Variants in MLLT1 observed in about 807,000 individuals in gnomAD.
MLLT1 encodes the protein MLLT1 super elongation complex subunit.
A neutral mutation model predicts 55.1 loss-of-function variants in MLLT1; 11 were observed. The observed-to-expected ratio is 0.20, with a 90% CI of 0.13 to 0.33. The LOEUF (loss-of-function observed/expected upper bound fraction) is 0.33, where lower values mean the gene tolerates loss of function less well. Among genes scored for constraint, MLLT1 ranks in the 10% least tolerant of loss-of-function variants. MLLT1 has a pLI of 1.00. For synonymous variants in MLLT1, 323 were observed against 320.1 expected, an observed-to-expected ratio of 1.01 and a Z score of -0.10; for missense variants, 536 against 760.6, an observed-to-expected ratio of 0.70 and a Z score of 3.47.
intron 1 of MLLT1, among the ~76,000 whole-genome samples, chr19:6,275,691 A>C (rs755347389): frequency 3.9e-5 from 6 of 152,186 alleles, no homozygotes; most frequent in Non-Finnish European, 7.3e-5. Context: ...TTCTGGCTCC[A>C]TCTGTCCTCG....
Position 6,216,481 on chromosome 19 carries a change from A to T in MLLT1, c.1231T>A (p.Ser411Thr). 4 of 1,605,732 alleles carry T rather than the reference A, an allele frequency of 2.5e-6. No individual in the cohort carries two copies. The highest frequency in any genetic ancestry group is 2.5e-6 in the Non-Finnish European group (3 of 1,177,048). Residue 411 changes from serine to threonine, a missense_variant, in exon 8 of 12, where the codon TCC (serine) becomes ACC (threonine). By Grantham distance (58) the Ser-to-Thr change is moderately conservative. Around this residue, in one of 3 missense-constraint regions of MLLT1, gnomAD observed 449 missense variants for 489.0 expected, o/e 0.92. Coordinates refer to ENST00000252674, the MANE Select transcript of MLLT1 (RefSeq NM_005934.4). The stretch of plus-strand genomic sequence containing the variant: ...GAGTCGTCCTCGTCGGACTCCTCGG[A>T]CTGCAGGTCCTCCACCATGGAGCGC... The part of the protein sequence containing the change: ...PLRSMVEDLQ[S>T]EESDEDDSSS...
At chr19:6,218,700 G>A (rs2090868828) in intron 6 of MLLT1, among the ~76,000 whole-genome samples, 1 of 152,222 alleles carries the variant, frequency 6.6e-6, no homozygotes, top group South Asian at 2.1e-4. Flanking sequence ...CACAAGGGGT[G>A]GGATGCCAGG....
intron 3 of MLLT1, among the ~76,000 whole-genome samples, chr19:6,252,180 T>C (rs1348976481): frequency 6.6e-6 from 1 of 152,130 alleles, no homozygotes; most frequent in Non-Finnish European, 1.5e-5. Context: ...GGGCAATCTC[T>C]CCATCTGCCT....
At chr19:6,278,774 A>C (rs1173737428) in intron 1 of MLLT1, among the ~76,000 whole-genome samples, 1 of 152,112 alleles carries the variant, frequency 6.6e-6, no homozygotes, top group Non-Finnish European at 1.5e-5. Context: ...TCAGAGAAGA[A>C]ACTGCTCCTG....
rs111610353 is a variant in MLLT1 at position 6,229,206 on chromosome 19, AG to A, written c.420+1363del. Among the ~76,000 whole-genome samples, 1 of 152,148 alleles carries A rather than the reference AG, an allele frequency of 6.6e-6. No homozygotes were observed. The highest frequency in any genetic ancestry group is 2.4e-5 in the African/African-American group (1 of 41,426). On this transcript the variant is annotated intron_variant, in intron 4 of 11. Transcript: ENST00000252674. The surrounding 1 kb of genome is among the most constrained non-coding windows in gnomAD (Gnocchi z 5.2). ...AAGAAGGTGGAAAAGCGGAGCCAGG[AG>A]GGCGCTGGGACCCAGCCCTCACATC...
At position 6,210,889 on chromosome 19, in the gene MLLT1, G is replaced by A. The variant is rs1017174697; in HGVS notation, c.*2153C>T. The A allele has an allele frequency of 4.3e-6, 1 of 230,656 alleles. No individual in the cohort carries two copies. Among genetic ancestry groups the A allele is most frequent in the African/African-American group, 2.2e-5 (1 of 45,278 alleles). The allele number at this position is 230,656 out of a possible 1,614,324, so 14.3% of individuals were successfully genotyped here. On this transcript the variant is annotated 3_prime_UTR_variant, in exon 12 of 12. Transcript: ENST00000252674. This position sits in a 1 kb window ranked among gnomAD's most constrained non-coding sequence, Gnocchi z 4.6. ...GCCCTGGGCCCAGAGCAGCTCTGGA[G>A]GACAACGTGAGGCCTTCCGGCCAGA...
Position 6,235,523 on chromosome 19 carries a change from AG to A in MLLT1, c.277-4811del, listed in dbSNP as rs1322782820. 6.6e-6 allele frequency among the ~76,000 whole-genome samples: 1 copy of A among 152,190 alleles called. No homozygotes were observed. Among genetic ancestry groups the A allele is most frequent in the Non-Finnish European group, 1.5e-5 (1 of 68,000 alleles). On this transcript the variant is annotated intron_variant, in intron 3 of 11. Transcript: ENST00000252674. This position sits in a 1 kb window ranked among gnomAD's most constrained non-coding sequence, Gnocchi z 5.5. ...CGGTACCAAAGCACTGGGATGCCCCAGGGACGCTCCCTAGCTCTGCCCACTG... is the reference window on the plus strand; with the variant it reads ...CGGTACCAAAGCACTGGGATGCCCCAGGACGCTCCCTAGCTCTGCCCACTG...
intron 1 of MLLT1, among the ~76,000 whole-genome samples, chr19:6,275,501 A>G (rs555439646): frequency 1.3e-5 from 2 of 152,340 alleles, no homozygotes; most frequent in South Asian, 4.1e-4. Flanking sequence ...CGGGGCCCTC[A>G]GTGGTAACCA....
In MLLT1 at chr19:6,222,009, G is replaced by T; in HGVS notation, c.1110+112C>A. On this transcript the variant is annotated intron_variant, in intron 6 of 11. Coordinates refer to ENST00000252674, the MANE Select transcript of MLLT1 (RefSeq NM_005934.4). This position sits in a 1 kb window ranked among gnomAD's most constrained non-coding sequence, Gnocchi z 4.1. ...CAAGAAGCCAGTGGGAGGAGCAGCTGGTGAGACCTGAGGTCCTGGCTCAGA... is the reference window on the plus strand; with the variant it reads ...CAAGAAGCCAGTGGGAGGAGCAGCTTGTGAGACCTGAGGTCCTGGCTCAGA... 1 of 853,126 alleles carries T rather than the reference G, an allele frequency of 1.2e-6. No individual in the cohort carries two copies. Among genetic ancestry groups the T allele is most frequent in the Non-Finnish European group, 1.6e-6 (1 of 617,726 alleles). The allele number at this position is 853,126 out of a possible 1,614,324, so 52.8% of individuals were successfully genotyped here.
chr19:6,277,010 T>A (rs2091431584), intron 1 of MLLT1, among the ~76,000 whole-genome samples: 1 of 152,232 alleles, frequency 6.6e-6, no homozygotes, highest in Admixed American at 6.5e-5. Context: ...GGCGGAAAGC[T>A]GTGCTGTTTC....
At chr19:6,268,977 A>C (rs1568297784) in intron 2 of MLLT1, among the ~76,000 whole-genome samples, 1 of 152,246 alleles carries the variant, frequency 6.6e-6, no homozygotes, top group Non-Finnish European at 1.5e-5. Flanking sequence ...GTGGATGGAA[A>C]TCAGCGTCCG....
intron 1 of MLLT1, among the ~76,000 whole-genome samples, chr19:6,271,572 A>C (rs2091395426): frequency 6.6e-6 from 1 of 152,164 alleles, no homozygotes; most frequent in South Asian, 2.1e-4. Flanking sequence ...ACTGAACACA[A>C]AGTTGCATGC....
At chr19:6,257,520 G>C (rs1294238317) in intron 3 of MLLT1, among the ~76,000 whole-genome samples, 1 of 152,172 alleles carries the variant, frequency 6.6e-6, no homozygotes, top group Non-Finnish European at 1.5e-5. Flanking sequence ...TGGACAACGG[G>C]CTGGGCATGG....
chr19:6,234,903 C>CAAACA (rs1568282928), intron 3 of MLLT1, among the ~76,000 whole-genome samples: 1 of 132,006 alleles, frequency 7.6e-6, no homozygotes, highest in African/African-American at 2.7e-5. Context: ...AACAAACAAA[C>CAAACA]AAAAAAAAAA....
In MLLT1 at chr19:6,222,232, C is replaced by T. The variant is rs770514874; in HGVS notation, c.999G>A (p.Lys333=). 2.5e-6 allele frequency: 4 copies of T among 1,613,324 alleles called. No individual in the cohort carries two copies. Among genetic ancestry groups the T allele is most frequent in the Non-Finnish European group, 3.4e-6 (4 of 1,179,792 alleles). ...SFSDKKPAKD[K]SSTRGEKVKA... Reference sequence around the variant, plus strand: ...TCACCTTCTCCCCTCTGGTGCTGCTCTTGTCCTTGGCCGGCTTCTTGTCCG... The same window carrying T: ...TCACCTTCTCCCCTCTGGTGCTGCTTTTGTCCTTGGCCGGCTTCTTGTCCG... The change falls in exon 6 of 12, where the codon AAG becomes AAA. Residue 333 remains lysine, a synonymous_variant. Coordinates refer to ENST00000252674, the MANE Select transcript of MLLT1 (RefSeq NM_005934.4). The surrounding 1 kb of genome is among the most constrained non-coding windows in gnomAD (Gnocchi z 4.1).
In MLLT1 at chr19:6,210,419, T is replaced by G. The variant is rs1160534645; in HGVS notation, c.*2623A>C. On this transcript the variant is annotated 3_prime_UTR_variant, in exon 12 of 12. Transcript: ENST00000252674. The surrounding 1 kb of genome is among the most constrained non-coding windows in gnomAD (Gnocchi z 4.6). ...GACTTTATTTCACTTTTTTTTTCTATAAAACTCCTCCATAATTTCACAATT... is the reference window on the plus strand; with the variant it reads ...GACTTTATTTCACTTTTTTTTTCTAGAAAACTCCTCCATAATTTCACAATT... 1 of 186,350 alleles carries G rather than the reference T, an allele frequency of 5.4e-6. No individual in the cohort carries two copies. The allele number at this position is 186,350 out of a possible 1,614,324, so 11.5% of individuals were successfully genotyped here. A position where few individuals can be genotyped will look rare whatever the true frequency, so the allele number is the denominator to read the frequency against.
chr19:6,211,907 C>T lies in MLLT1; in HGVS notation c.*1135G>A. On this transcript the variant is annotated 3_prime_UTR_variant, in exon 12 of 12. Coordinates refer to ENST00000252674, the MANE Select transcript of MLLT1 (RefSeq NM_005934.4). This position sits in a 1 kb window ranked among gnomAD's most constrained non-coding sequence, Gnocchi z 4.6. Reference sequence around the variant, plus strand: ...TTGCGGCGGTGGAGGCCGGGGCGGGCCAGGCCGCGACCAGAGAGAAAGGCA... The same window carrying T: ...TTGCGGCGGTGGAGGCCGGGGCGGGTCAGGCCGCGACCAGAGAGAAAGGCA... 9.4e-7 allele frequency: 1 copy of T among 1,064,598 alleles called. No individual in the cohort carries two copies. The highest frequency in any genetic ancestry group is 1.1e-6 in the Non-Finnish European group (1 of 878,804). The allele number at this position is 1,064,598 out of a possible 1,614,324, so 65.9% of individuals were successfully genotyped here.
rs572540307 is a variant in MLLT1, at chr19:6,261,675, GAAAGA to G, written c.276+548_276+552del. ...AAAAAAAAAGTGAAAAACTACAGAT[GAAAGA>G]AAAGAAAAGAAAACCCCCTGGACTC... On this transcript the variant is annotated intron_variant, in intron 3 of 11. Coordinates refer to ENST00000252674, the MANE Select transcript of MLLT1 (RefSeq NM_005934.4). Among the ~76,000 whole-genome samples the G allele has an allele frequency of 2.5e-3, 377 of 150,060 alleles. 1 individual carries two copies. The highest frequency in any genetic ancestry group is 8.8e-3 in the African/African-American group (358 of 40,880).
chr19:6,238,700 C>T (rs1462455388), intron 3 of MLLT1, among the ~76,000 whole-genome samples: 2 of 152,262 alleles, frequency 1.3e-5, no homozygotes, highest in African/African-American at 2.4e-5. Context: ...GGCAAGTCCC[C>T]GCCATGGAGC....
Sources: gnomAD v4.1 joint callset for allele counts (sites outside exome capture counted in the v4.1 genomes callset) on GRCh38, gnomAD v4.1.1 for gene constraint, gnomAD v4.1.1 regional missense constraint, Gnocchi (gnomAD v3.1) non-coding constraint, MANE v1.5 for transcripts, NCBI Gene and HGNC (gene_info 2026-07-23, HGNC 2026-07-21) for gene names.